CCDC171: variants seen among roughly 807,000 people sequenced by gnomAD.
CCDC171 encodes the protein coiled-coil domain containing 171.
In CCDC171, 177 loss-of-function variants were observed where a neutral mutation model predicts 168.2. The observed-to-expected ratio is 1.05, with a 90% CI of 0.93 to 1.19. The LOEUF is 1.19. Among genes scored for constraint, CCDC171 ranks in the 50% most tolerant of loss-of-function variants. The probability of loss-of-function intolerance (pLI) is 0.00; values close to 1 mark genes in which losing one functional copy is unlikely to be tolerated. For synonymous variants in CCDC171, 687 were observed against 540.8 expected (o/e 1.27, Z -3.75); for missense variants, 1,991 against 1,539.0 (o/e 1.29, Z -4.91).
chr9:15,599,946 C>T (rs1587303134), intron 6 of CCDC171, among the ~76,000 whole-genome samples: 1 of 151,972 alleles, frequency 6.6e-6, no homozygotes, highest in South Asian at 2.1e-4. Flanking sequence ...GAATCGGCTA[C>T]TGAAGCTTGT....
chr9:16,088,893 G>C, the CCDC171 span, among the ~76,000 whole-genome samples: 1 of 151,990 alleles, frequency 6.6e-6, no homozygotes, highest in African/African-American at 2.4e-5. Context: ...AACAGAGCCC[G>C]TATAGCCAAG....
intron 21 of CCDC171, among the ~76,000 whole-genome samples, chr9:15,826,627 C>T (rs79995866): frequency 0.02 from 3,059 of 152,300 alleles, 52 homozygotes; most frequent in Non-Finnish European, 0.032. Context: ...ATAATATGCT[C>T]AGCTAACAGC....
At chr9:15,868,847 C>T (rs151314646) in intron 23 of CCDC171, among the ~76,000 whole-genome samples, 3 of 152,014 alleles carry the variant, frequency 2.0e-5, no homozygotes, top group Non-Finnish European at 4.4e-5. Flanking sequence ...ATGGAGAGTA[C>T]GGTTGTCCCT....
chr9:15,758,758 G>T (rs532833068), intron 18 of CCDC171, among the ~76,000 whole-genome samples: 5 of 152,252 alleles, frequency 3.3e-5, no homozygotes, highest in Admixed American at 3.3e-4. Context: ...TGTTCTCGTG[G>T]TAGTGAATAA....
At chr9:16,037,884 CA>C (rs1564130648), upstream of CCDC171, among the ~76,000 whole-genome samples, 1 of 151,826 alleles carries the variant, frequency 6.6e-6, no homozygotes, top group Non-Finnish European at 1.5e-5. Context: ...AAGAAATATT[CA>C]GAGAGAAAAA....
chr9:15,609,900 G>A (rs1459383859), intron 6 of CCDC171, among the ~76,000 whole-genome samples: 1 of 152,010 alleles, frequency 6.6e-6, no homozygotes, highest in Non-Finnish European at 1.5e-5. Flanking sequence ...ATTAAAATTG[G>A]ATTGCATTTA....
chr9:15,946,230 A>G (rs941559398), intron 25 of CCDC171, among the ~76,000 whole-genome samples: 2 of 151,968 alleles, frequency 1.3e-5, no homozygotes, highest in East Asian at 2.0e-4. Flanking sequence ...GTTCTGTTCC[A>G]TTGATCTATA....
At chr9:15,893,312 A>C (rs1250133663) in intron 24 of CCDC171, among the ~76,000 whole-genome samples, 1 of 152,090 alleles carries the variant, frequency 6.6e-6, no homozygotes, top group Admixed American at 6.5e-5. Flanking sequence ...TAAATGTAAA[A>C]CCCAAAACTA....
chr9:16,106,501 C>A, the CCDC171 span, among the ~76,000 whole-genome samples: 1 of 152,150 alleles, frequency 6.6e-6, no homozygotes, highest in Non-Finnish European at 1.5e-5. Context: ...CAGGATGGCA[C>A]CTTCTCTCTC....
chr9:15,641,881 T>C (rs1174140120), intron 7 of CCDC171, among the ~76,000 whole-genome samples: 1 of 152,182 alleles, frequency 6.6e-6, no homozygotes, highest in African/African-American at 2.4e-5. Flanking sequence ...AACTGTTGTT[T>C]GGCTAGGCGT....
intron 7 of CCDC171, among the ~76,000 whole-genome samples, chr9:15,654,201 TA>T (rs570414785): frequency 2.0e-3 from 286 of 143,630 alleles, no homozygotes; most frequent in African/African-American, 4.6e-3. Flanking sequence ...TTGCTTTCTG[TA>T]AAAAAAAAAA....
At chr9:15,594,576 A>G (rs1199166540) in intron 6 of CCDC171, among the ~76,000 whole-genome samples, 3 of 152,154 alleles carry the variant, frequency 2.0e-5, no homozygotes, top group Non-Finnish European at 4.4e-5. Context: ...ATTCTTAATT[A>G]TCCTCTATTC....
Position 15,777,789 on chromosome 9 carries a change from C to T in CCDC171, c.2861C>T (p.Ala954Val). ...AHGLHKVNTL[A>V]LKYGLRGHVP... ...GGACTTCATAAAGTAAACACACTGG[C>T]CCTGAAATATGGTTTGCGTGGCCAT... Residue 954 changes from alanine (A) to valine (V), a missense_variant, in exon 19 of 26, where the codon GCC becomes GTC. Transcript: ENST00000380701. 1 of 1,612,270 alleles carries T rather than the reference C, an allele frequency of 6.2e-7. No homozygotes were observed. Among genetic ancestry groups the T allele is most frequent in the Non-Finnish European group, 8.5e-7 (1 of 1,179,540 alleles).
intron 18 of CCDC171, among the ~76,000 whole-genome samples, chr9:15,769,226 A>G (rs1219827529): frequency 1.3e-5 from 2 of 152,220 alleles, no homozygotes; most frequent in East Asian, 1.9e-4. Context: ...AACTGAGAGC[A>G]TGATAGTATA....
intron 1 of CCDC171, among the ~76,000 whole-genome samples, chr9:15,556,563 C>T (rs932998083): frequency 2.0e-5 from 3 of 152,086 alleles, no homozygotes; most frequent in East Asian, 3.8e-4. Flanking sequence ...TGTTCATATC[C>T]TTTGCCCACT....
the CCDC171 span, among the ~76,000 whole-genome samples, chr9:16,078,760 C>T: frequency 6.6e-6 from 1 of 152,094 alleles, no homozygotes; most frequent in Non-Finnish European, 1.5e-5. Flanking sequence ...AGCATGATAC[C>T]ATTTGGTGCC....
chr9:15,575,952 C>A (rs771502654), intron 3 of CCDC171, among the ~76,000 whole-genome samples: 2 of 151,942 alleles, frequency 1.3e-5, no homozygotes, highest in African/African-American at 4.8e-5. Flanking sequence ...ATTAGCTGGG[C>A]GTGGTGGTGC....
intron 3 of CCDC171, among the ~76,000 whole-genome samples, chr9:15,983,286 A>G (rs568512252): frequency 4.5e-4 from 68 of 152,244 alleles, no homozygotes; most frequent in Non-Finnish European, 7.5e-4. Context: ...CTGGAAACAT[A>G]ATAGTTGACA....
At chr9:15,800,068 G>C (rs2058746995) in intron 21 of CCDC171, among the ~76,000 whole-genome samples, 1 of 152,066 alleles carries the variant, frequency 6.6e-6, no homozygotes, top group Non-Finnish European at 1.5e-5. Context: ...ACAGAGCTAT[G>C]ACAAATGTGG....
Sources: allele counts gnomAD v4.1 joint callset (sites outside exome capture counted in the v4.1 genomes callset), GRCh38; gene constraint gnomAD v4.1.1; transcripts MANE v1.5; gene names NCBI Gene and HGNC (gene_info 2026-07-23, HGNC 2026-07-21).